ALK: variants seen among roughly 807,000 people sequenced by gnomAD.
ALK encodes ALK receptor tyrosine kinase.
ALK carries 74 observed loss-of-function variants against 163.1 expected under a neutral mutation model. That is an observed-to-expected ratio of 0.45 (90% CI 0.38 to 0.55). The LOEUF (loss-of-function observed/expected upper bound fraction) is 0.55. ALK is among the 20% of genes least tolerant of loss of function. The pLI is 0.00. For missense variants in ALK, 2,063 were observed against 2,105.3 expected, an observed-to-expected ratio of 0.98 and a Z score of 0.39; for synonymous variants, 960 against 843.2, an observed-to-expected ratio of 1.14 and a Z score of -2.40.
chr2:29,670,492 G>C (rs558207768), intron 3 of ALK, among the ~76,000 whole-genome samples: 1 of 152,044 alleles, frequency 6.6e-6, no homozygotes, highest in Admixed American at 6.6e-5. Context: ...ATATACCTTG[G>C]TGTGGTCTTA....
chr2:29,895,598 T>C (rs963421818), intron 1 of ALK, among the ~76,000 whole-genome samples: 1 of 152,204 alleles, frequency 6.6e-6, no homozygotes, highest in Non-Finnish European at 1.5e-5. Flanking sequence ...AGAAAGGAAT[T>C]CATGGTCTTT....
At chr2:29,511,324 C>T (rs966709271) in intron 4 of ALK, among the ~76,000 whole-genome samples, 6 of 152,132 alleles carry the variant, frequency 3.9e-5, no homozygotes, top group Non-Finnish European at 4.4e-5. Context: ...CACTGCCTTG[C>T]TCTCTGTCAT....
At chr2:29,276,648 T>C (rs562049396) in intron 9 of ALK, among the ~76,000 whole-genome samples, 1 of 152,286 alleles carries the variant, frequency 6.6e-6, no homozygotes, top group East Asian at 1.9e-4. Flanking sequence ...CGCCAGTCAA[T>C]GGTCAAAAAT....
intron 1 of ALK, among the ~76,000 whole-genome samples, chr2:29,868,950 C>T (rs965272944): frequency 2.0e-5 from 3 of 152,198 alleles, no homozygotes; most frequent in African/African-American, 7.2e-5. Context: ...CAAGAAGCCA[C>T]ATGCAGAGAC....
intron 3 of ALK, among the ~76,000 whole-genome samples, chr2:29,603,175 G>T (rs1448343602): frequency 6.6e-6 from 1 of 152,150 alleles, no homozygotes; most frequent in African/African-American, 2.4e-5. Context: ...AGTCTCATAG[G>T]TGGCCACTCA....
At chr2:29,260,031 A>T (rs17783146) in intron 11 of ALK, among the ~76,000 whole-genome samples, 9,785 of 152,242 alleles carry the variant, frequency 0.064, 326 homozygotes, top group Non-Finnish European at 0.073. Context: ...ACAAGAAAAT[A>T]GAGTCTTTGA....
intron 3 of ALK, among the ~76,000 whole-genome samples, chr2:29,599,092 G>A (rs772589978): frequency 6.6e-6 from 1 of 151,496 alleles, no homozygotes; most frequent in Non-Finnish European, 1.5e-5. Context: ...CAATAGATAA[G>A]TTACCCTCTG....
intron 26 of ALK, among the ~76,000 whole-genome samples, chr2:29,206,110 C>A (rs991340032): frequency 6.6e-6 from 1 of 152,132 alleles, no homozygotes; most frequent in Non-Finnish European, 1.5e-5. Context: ...GTGAGGGGCT[C>A]AGCCACAGGA....
At chr2:29,688,207 C>T (rs1678293617) in intron 3 of ALK, among the ~76,000 whole-genome samples, 2 of 152,148 alleles carry the variant, frequency 1.3e-5, no homozygotes, top group African/African-American at 4.8e-5. Context: ...AGTCCCTGGC[C>T]AGCACAGCCC....
At position 29,907,529 on chromosome 2, in the gene ALK, G is replaced by C. The variant is rs6758856; in HGVS notation, c.667+12464C>G. Among the ~76,000 whole-genome samples the C allele has an allele frequency of 4.3e-3, 656 of 152,256 alleles. 6 individuals are homozygous for C. The highest frequency in any genetic ancestry group is 0.015 in the African/African-American group (626 of 41,554). On this transcript the variant is annotated intron_variant, in intron 1 of 28. Coordinates refer to ENST00000389048, the MANE Select transcript of ALK (RefSeq NM_004304.5). ...GTCTCTCCACTCCATCTGCCTTGCT[G>C]AGCTTCTATAACACCACATGATCCA... is the stretch of plus-strand genomic sequence containing the variant.
rs532967665 is a variant in ALK at position 29,224,156 on chromosome 2, T to G, written c.3173-628A>C. Among the ~76,000 whole-genome samples, 11 of 152,322 alleles carry G rather than the reference T, an allele frequency of 7.2e-5. No homozygotes were observed. In the South Asian group the frequency reaches 2.3e-3, roughly 32 times the overall value. ...ACAGCAGTGGATTTGAGGGTGCAGCTGGGATCTTGGTCAGTTGTGTTTCCT... is the reference window on the plus strand; with the variant it reads ...ACAGCAGTGGATTTGAGGGTGCAGCGGGGATCTTGGTCAGTTGTGTTTCCT... On this transcript the variant is annotated intron_variant, in intron 19 of 28. Coordinates refer to ENST00000389048, the MANE Select transcript of ALK (RefSeq NM_004304.5).
At chr2:29,771,150 G>C (rs1681012164) in intron 1 of ALK, among the ~76,000 whole-genome samples, 1 of 151,594 alleles carries the variant, frequency 6.6e-6, no homozygotes. Flanking sequence ...CACAGACATA[G>C]ATGCATACAT....
intron 5 of ALK, among the ~76,000 whole-genome samples, chr2:29,337,349 G>C (rs955835979): frequency 6.6e-6 from 1 of 152,210 alleles, no homozygotes; most frequent in Non-Finnish European, 1.5e-5. Context: ...TCCGGGAAGT[G>C]GGAGAGTTAG....
chr2:29,837,258 A>C (rs1218538161), intron 1 of ALK, among the ~76,000 whole-genome samples: 1 of 152,226 alleles, frequency 6.6e-6, no homozygotes. Flanking sequence ...ACATCACAAA[A>C]GAAGGCCAAA....
intron 1 of ALK, among the ~76,000 whole-genome samples, chr2:29,916,890 C>G (rs1034322365): frequency 6.6e-6 from 1 of 152,168 alleles, no homozygotes; most frequent in Non-Finnish European, 1.5e-5. Context: ...AGGCCAGAAC[C>G]ATTAATACAG....
At position 29,892,829 on chromosome 2, in the gene ALK, A is replaced by T. The variant is rs111430578; in HGVS notation, c.667+27164T>A. On this transcript the variant is annotated intron_variant, in intron 1 of 28. Coordinates refer to ENST00000389048, the MANE Select transcript of ALK (RefSeq NM_004304.5). ...TGTATAATACTTCTTCCTTTTAAGT[A>T]AGCTTGTGGTAGAGGGGGGAGAATG... Among the ~76,000 whole-genome samples the T allele has an allele frequency of 6.8e-3, 1,041 of 152,306 alleles. 13 individuals are homozygous for T. Among genetic ancestry groups the T allele is most frequent in the African/African-American group, 0.022 (930 of 41,572 alleles).
At chr2:29,863,511 T>A (rs182771561) in intron 1 of ALK, among the ~76,000 whole-genome samples, 1,839 of 133,884 alleles carry the variant, frequency 0.014, 37 homozygotes, top group African/African-American at 0.048. Context: ...ATAAGAATAT[T>A]TTTTTTTAAA....
intron 12 of ALK, among the ~76,000 whole-genome samples, chr2:29,242,123 G>C (rs759599532): frequency 6.6e-6 from 1 of 152,240 alleles, no homozygotes; most frequent in Non-Finnish European, 1.5e-5. Context: ...GCATTATTTA[G>C]CTCAGTGAAC....
At chr2:29,472,762 C>G (rs1389889782) in intron 4 of ALK, among the ~76,000 whole-genome samples, 3 of 152,010 alleles carry the variant, frequency 2.0e-5, no homozygotes, top group African/African-American at 7.2e-5. Context: ...TTAAAAATAA[C>G]TTTTATAAAA....
Sources: allele counts gnomAD v4.1 joint callset (sites outside exome capture counted in the v4.1 genomes callset), GRCh38; gene constraint gnomAD v4.1.1; transcripts MANE v1.5; gene names NCBI Gene and HGNC (gene_info 2026-07-23, HGNC 2026-07-21).